Variants in BNC2 observed in about 807,000 individuals in gnomAD.
The protein encoded by BNC2 is zinc finger protein basonuclin-2.
A neutral mutation model predicts 76.3 loss-of-function variants in BNC2; 20 were observed. That is an observed-to-expected ratio of 0.26 (90% CI 0.18 to 0.38). The LOEUF is 0.38. BNC2 is among the 10% of genes least tolerant of loss of function. BNC2 has a pLI of 1.00. For missense variants in BNC2, 1,382 were observed against 1,399.8 expected, an observed-to-expected ratio of 0.99 and a Z score of 0.20; for synonymous variants, 582 against 514.8, an observed-to-expected ratio of 1.13 and a Z score of -1.77.
At chr9:16,712,571 A>G (rs1823880438) in intron 3 of BNC2, among the ~76,000 whole-genome samples, 1 of 152,200 alleles carries the variant, frequency 6.6e-6, no homozygotes, top group South Asian at 2.1e-4. Context: ...CTAAAAGATG[A>G]GTATAATTTT....
In BNC2 at chr9:16,556,088, C is replaced by T. The variant is rs541668876; in HGVS notation, c.434-3323G>A. Among the ~76,000 whole-genome samples, 96 of 151,028 alleles carry T rather than the reference C, an allele frequency of 6.4e-4. 3 individuals are homozygous for T. In the South Asian group the frequency reaches 0.019, roughly 29 times the overall value. On this transcript the variant is annotated intron_variant, in intron 4 of 6. Transcript: ENST00000380672. ...GCCAAGGCAGGAGAATTGCTTGAGC[C>T]CAAGAGTTTGAGATCAGCTTAGGCA... is the stretch of plus-strand genomic sequence containing the variant.
chr9:16,581,872 C>A lies in BNC2; in HGVS notation c.433+1111G>T, dbSNP rs115232202. Among the ~76,000 whole-genome samples the A allele has an allele frequency of 2.0e-3, 297 of 152,254 alleles. 2 individuals are homozygous for A. The highest frequency in any genetic ancestry group is 6.5e-3 in the African/African-American group (269 of 41,546). ...GGCATGAAGGACTGCAGGATTGTGG[C>A]TGCATGGTGGAAACATACCCCTTCC... On this transcript the variant is annotated intron_variant, in intron 4 of 6. Transcript: ENST00000380672.
At chr9:16,663,108 T>C (rs1430810408) in intron 3 of BNC2, among the ~76,000 whole-genome samples, 3 of 149,468 alleles carry the variant, frequency 2.0e-5, no homozygotes, top group South Asian at 2.1e-4. Flanking sequence ...CAGTGATCCA[T>C]AGGCACTCCA....
At chr9:16,763,426 C>A (rs866245509) in intron 1 of BNC2, among the ~76,000 whole-genome samples, 1 of 151,862 alleles carries the variant, frequency 6.6e-6, no homozygotes, top group South Asian at 2.1e-4. Context: ...AAAACTTAGC[C>A]GGCCATAGTG....
At chr9:16,622,282 T>C (rs1269975261) in intron 3 of BNC2, among the ~76,000 whole-genome samples, 4 of 152,206 alleles carry the variant, frequency 2.6e-5, no homozygotes, top group Non-Finnish European at 5.9e-5. Flanking sequence ...ATAGGTTTTA[T>C]TCATTAGTCA....
chr9:16,430,075 C>A (rs2130777555), intron 6 of BNC2: 1 of 461,532 alleles, frequency 2.2e-6, no homozygotes, highest in Non-Finnish European at 4.4e-6. Flanking sequence ...GAGGGCACAA[C>A]TAGCAATTAC....
intron 3 of BNC2, among the ~76,000 whole-genome samples, chr9:16,682,449 T>G (rs966881143): frequency 4.6e-5 from 7 of 151,962 alleles, no homozygotes; most frequent in African/African-American, 1.5e-4. Context: ...TTTAATAACC[T>G]GGCAAATTCA....
At chr9:16,560,380 T>G (rs1818972580) in intron 4 of BNC2, among the ~76,000 whole-genome samples, 1 of 152,214 alleles carries the variant, frequency 6.6e-6, no homozygotes, top group Non-Finnish European at 1.5e-5. Context: ...ATAATTTTAT[T>G]TCTTGTTAAT....
intron 1 of BNC2, among the ~76,000 whole-genome samples, chr9:16,859,370 T>C (rs774986346): frequency 1.3e-5 from 2 of 152,224 alleles, no homozygotes; most frequent in Non-Finnish European, 2.9e-5. Context: ...TTGAAAGCAG[T>C]ATCTTTTACA....
At chr9:16,691,906 G>A (rs1206153607) in intron 3 of BNC2, among the ~76,000 whole-genome samples, 1 of 151,074 alleles carries the variant, frequency 6.6e-6, no homozygotes, top group African/African-American at 2.4e-5. Context: ...TGCCTCCCGG[G>A]TTCAAGTGAT....
chr9:16,654,370 A>AC (rs1821870956), intron 3 of BNC2, among the ~76,000 whole-genome samples: 1 of 152,186 alleles, frequency 6.6e-6, no homozygotes, highest in African/African-American at 2.4e-5. Context: ...TCAGATGTTA[A>AC]AATGTACGTA....
At chr9:16,627,722 T>C (rs1821039045) in intron 3 of BNC2, among the ~76,000 whole-genome samples, 1 of 152,160 alleles carries the variant, frequency 6.6e-6, no homozygotes, top group Non-Finnish European at 1.5e-5. Context: ...TCATATTTTA[T>C]CAGTAGCAAG....
chr9:16,460,164 A>T (rs75625863), intron 5 of BNC2, among the ~76,000 whole-genome samples: 3,060 of 152,322 alleles, frequency 0.02, 105 homozygotes, highest in African/African-American at 0.069. Flanking sequence ...GCAAGACAAC[A>T]AGAGCAATAG....
chr9:16,512,651 T>C (rs1306547305), intron 5 of BNC2, among the ~76,000 whole-genome samples: 1 of 152,190 alleles, frequency 6.6e-6, no homozygotes, highest in African/African-American at 2.4e-5. Context: ...AAACACATCT[T>C]TTATGTACAC....
intron 3 of BNC2, among the ~76,000 whole-genome samples, chr9:16,668,683 A>G (rs1285057854): frequency 1.3e-5 from 2 of 152,210 alleles, no homozygotes; most frequent in South Asian, 2.1e-4. Flanking sequence ...CCACAGATGT[A>G]TAATTTGGGT....
rs372040244 is a variant in BNC2, at chr9:16,451,374, C to T, written c.670-13850G>A. ...CCTACTCACTTTAATCCACTTTCTA[C>T]ACACTTTCATCAAATTTCAAAAACA... On this transcript the variant is annotated intron_variant, in intron 5 of 6. Transcript: ENST00000380672. Among the ~76,000 whole-genome samples, 26 of 152,276 alleles carry T rather than the reference C, an allele frequency of 1.7e-4. No individual in the cohort carries two copies. The East Asian group carries it at 3.7e-3, about 21-fold the overall frequency.
At chr9:16,543,160 G>C (rs1214944376) in intron 5 of BNC2, among the ~76,000 whole-genome samples, 2 of 152,140 alleles carry the variant, frequency 1.3e-5, no homozygotes, top group Non-Finnish European at 2.9e-5. Flanking sequence ...GGGGGACTAG[G>C]AGATCATTCT....
chr9:16,704,545 T>C (rs1823604082), intron 3 of BNC2, among the ~76,000 whole-genome samples: 1 of 145,836 alleles, frequency 6.9e-6, no homozygotes, highest in Non-Finnish European at 1.5e-5. Flanking sequence ...TGGTTGGATT[T>C]AGCCCTTCTA....
chr9:16,739,094 G>A (rs1253354439), intron 1 of BNC2, among the ~76,000 whole-genome samples: 15 of 151,728 alleles, frequency 9.9e-5, no homozygotes, highest in Admixed American at 9.8e-4. Flanking sequence ...TATTCCTAGA[G>A]AAGTAATACA....
Sources: allele counts gnomAD v4.1 joint callset (sites outside exome capture counted in the v4.1 genomes callset), GRCh38; gene constraint gnomAD v4.1.1; transcripts MANE v1.5; gene names NCBI Gene and HGNC (gene_info 2026-07-23, HGNC 2026-07-21).